MRPL49: variants seen among roughly 807,000 people sequenced by gnomAD.
MRPL49 encodes large ribosomal subunit protein mL49.
MRPL49 carries 14 observed loss-of-function variants against 18.4 expected under a neutral mutation model. The observed-to-expected ratio is 0.76, with a 90% CI of 0.50 to 1.19. The LOEUF (loss-of-function observed/expected upper bound fraction) is 1.19. MRPL49 is among the 50% of genes most tolerant of loss of function. The pLI is 0.00. For missense variants in MRPL49, 190 were observed against 217.8 expected (o/e 0.87, Z 0.80); for synonymous variants, 104 against 86.2 (o/e 1.21, Z -1.14).
At chr11:65,123,922 C>CT (rs1471297750) in intron 1 of MRPL49, among the ~76,000 whole-genome samples, 1 of 152,184 alleles carries the variant, frequency 6.6e-6, no homozygotes, top group East Asian at 1.9e-4. Context: ...TCTCGTCGCT[C>CT]TGTCACCGAG....
rs761124476 is a variant in MRPL49 at position 65,124,506 on chromosome 11, A to G, written c.83A>G (p.Gln28Arg). ...QRGCGLRLLS[Q>R]TQGPPDYPRF... is the part of the protein sequence containing the mutation. ...GGGATTTTTGTTTTGCTTCAGAGCC[A>G]GACCCAGGGCCCTCCAGATTACCCC... Residue 28 changes from glutamine (Q) to arginine (R), a missense_variant, in exon 2 of 4, where the codon CAG becomes CGG. Transcript: ENST00000279242. 12 of 1,613,344 alleles carry G rather than the reference A, an allele frequency of 7.4e-6. No homozygotes were observed. The African/African-American group carries it at 1.5e-4, about 20-fold the overall frequency.
intron 2 of MRPL49, 115 bp downstream of exon 2, chr11:65,124,767 C>A: frequency 1.7e-6 from 2 of 1,210,360 alleles, no homozygotes; most frequent in Non-Finnish European, 2.3e-6. Context: ...ACTCATTTTG[C>A]AATCCCTCTG....
At chr11:65,123,909 G>C (rs1009235893) in intron 1 of MRPL49, among the ~76,000 whole-genome samples, 2 of 152,066 alleles carry the variant, frequency 1.3e-5, no homozygotes, top group African/African-American at 4.8e-5. Context: ...TTGTTTGAGA[G>C]AGTCTCGTCG....
rs755082964 is a variant in MRPL49 at position 65,122,435 on chromosome 11, T to C, written c.78+11T>C. The C allele has an allele frequency of 3.1e-6, 5 of 1,609,502 alleles. No individual in the cohort carries two copies. The highest frequency in any genetic ancestry group is 4.2e-6 in the Non-Finnish European group (5 of 1,178,122). On this transcript the variant is annotated intron_variant, in intron 1 of 3. Coordinates refer to ENST00000279242, the MANE Select transcript of MRPL49 (RefSeq NM_004927.4). The stretch of plus-strand genomic sequence containing the variant: ...GGGCTACGGCTGTTGGTGAGAGCGC[T>C]GAGCGAGGAGCTGAGGGCATCGCGT...
chr11:65,123,390 T>C (rs1948071864), intron 1 of MRPL49, among the ~76,000 whole-genome samples: 1 of 152,222 alleles, frequency 6.6e-6, no homozygotes, highest in African/African-American at 2.4e-5. Context: ...TATTCGGGAA[T>C]GGGTATAGAC....
intron 1 of MRPL49, among the ~76,000 whole-genome samples, chr11:65,123,040 A>C (rs887553712): frequency 7.9e-5 from 12 of 152,232 alleles, no homozygotes; most frequent in Non-Finnish European, 1.3e-4. Flanking sequence ...TTCTTAAGGC[A>C]ATCATAAGAT....
In MRPL49 at chr11:65,122,404, G is replaced by A; in HGVS notation, c.58G>A (p.Gly20Ser). Residue 20 changes from glycine (G) to serine (S), a missense_variant, in exon 1 of 4, where the codon GGC (glycine) becomes AGC (serine). By Grantham distance (56) the Gly-to-Ser change is moderately conservative (BLOSUM62 0). Transcript: ENST00000279242. ...GGGATGGAGAACCGGTGTCCAGCGGGGCTGCGGGCTACGGCTGTTGGTGAG... is the reference window on the plus strand; with the variant it reads ...GGGATGGAGAACCGGTGTCCAGCGGAGCTGCGGGCTACGGCTGTTGGTGAG... Reference protein sequence around the residue: ...LRGWRTGVQRGCGLRLLSQTQ... With the variant: ...LRGWRTGVQRSCGLRLLSQTQ... 6 of 1,613,094 alleles carry A rather than the reference G, an allele frequency of 3.7e-6. 1 individual carries two copies. Among genetic ancestry groups the A allele is most frequent in the South Asian group, 3.3e-5 (3 of 90,948 alleles).
In MRPL49 at chr11:65,127,272, C is replaced by A. The variant is rs1948113031; in HGVS notation, c.*1400C>A. The A allele has an allele frequency of 4.3e-6, 2 of 467,158 alleles. No homozygotes were observed. The highest frequency in any genetic ancestry group is 8.7e-5 in the South Asian group (2 of 22,864). The allele number at this position is 467,158 out of a possible 1,614,324, so 28.9% of individuals were successfully genotyped here. A position where few individuals can be genotyped will look rare whatever the true frequency, so the allele number is the denominator to read the frequency against. On this transcript the variant is annotated 3_prime_UTR_variant, in exon 4 of 4. Coordinates refer to ENST00000279242, the MANE Select transcript of MRPL49 (RefSeq NM_004927.4). ...TTTGATCGATTCTGTGACACAAACC[C>A]CACCAATTGTTAATGCAAGTTTTTA...
rs1337832171 is a variant in MRPL49 at position 65,127,119 on chromosome 11, A to G, written c.*1247A>G. 1 of 690,582 alleles carries G rather than the reference A, an allele frequency of 1.4e-6. No homozygotes were observed. Among genetic ancestry groups the G allele is most frequent in the Non-Finnish European group, 2.6e-6 (1 of 379,896 alleles). 42.8% of individuals were successfully genotyped at this position (690,582 alleles called of 1,614,324 possible). The stretch of plus-strand genomic sequence containing the variant: ...CTGCTTCTCTGTGTGTAAAATGGGC[A>G]CATCTTCCTAATCTGTTAATGGTCA... On this transcript the variant is annotated 3_prime_UTR_variant, in exon 4 of 4. Transcript: ENST00000279242.
rs893827810 is a variant in MRPL49, at chr11:65,126,026, A to G, written c.*154A>G. ...GTCAGGCCTTGCTTGCATAAAGGAG[A>G]AAACAACTCTATGTACATGCTGGGG... On this transcript the variant is annotated 3_prime_UTR_variant, in exon 4 of 4. Transcript: ENST00000279242. 9.8e-6 allele frequency: 8 copies of G among 820,022 alleles called. No individual in the cohort carries two copies. Among genetic ancestry groups the G allele is most frequent in the Admixed American group, 3.0e-5 (1 of 32,888 alleles). The allele number at this position is 820,022 out of a possible 1,614,324, so 50.8% of individuals were successfully genotyped here.
rs1948097394 is a variant in MRPL49 at position 65,125,986 on chromosome 11, C to T, written c.*114C>T. On this transcript the variant is annotated 3_prime_UTR_variant, in exon 4 of 4. Transcript: ENST00000279242. Reference sequence around the variant, plus strand: ...GAGACAGGGGATACAGAAACTAGGGCTAAAGGACTTTGGGGTCAGGCCTTG... The same window carrying T: ...GAGACAGGGGATACAGAAACTAGGGTTAAAGGACTTTGGGGTCAGGCCTTG... 1 of 1,308,286 alleles carries T rather than the reference C, an allele frequency of 7.6e-7. No homozygotes were observed. The highest frequency in any genetic ancestry group is 1.0e-6 in the Non-Finnish European group (1 of 957,388). 81.0% of individuals were successfully genotyped at this position (1,308,286 alleles called of 1,614,324 possible).
intron 1 of MRPL49, 148 bp downstream of exon 1, chr11:65,122,572 A>G (rs751006690): frequency 1.4e-6 from 1 of 693,202 alleles, no homozygotes; most frequent in East Asian, 2.8e-5. Context: ...GTGTACATAT[A>G]GAATCGAGAG....
At chr11:65,122,720 C>CT (rs11445335) in intron 1 of MRPL49, among the ~76,000 whole-genome samples, 61,991 of 130,828 alleles carry the variant, frequency 0.47, 15,761 homozygotes, top group East Asian at 0.72. Flanking sequence ...TGCCTTAATT[C>CT]TTTTTTTTTT....
At chr11:65,125,392 G>A in intron 2 of MRPL49, 96 bp from the exon 3 acceptor site, 1 of 1,532,528 alleles carries the variant, frequency 6.5e-7, no homozygotes, top group Non-Finnish European at 8.9e-7. Flanking sequence ...GTCCAGCTGG[G>A]TGCACTGGCC....
intron 2 of MRPL49, chr11:65,124,865 C>A: frequency 2.0e-6 from 1 of 492,426 alleles, no homozygotes; most frequent in Non-Finnish European, 3.5e-6. Flanking sequence ...CTATTGAGAT[C>A]AGGTCTTCCC....
chr11:65,123,566 T>G (rs1948073427), intron 1 of MRPL49, among the ~76,000 whole-genome samples: 1 of 152,068 alleles, frequency 6.6e-6, no homozygotes, highest in African/African-American at 2.4e-5. Flanking sequence ...GAAACCCGTC[T>G]CTAGAAAAAA....
At chr11:65,122,284 C>T (rs927090931), upstream of MRPL49, 6 of 1,573,458 alleles carry the variant, frequency 3.8e-6, no homozygotes, top group African/African-American at 8.1e-5. Context: ...GGGCAGGCAG[C>T]TCGCGCAGGA....
intron 1 of MRPL49, 88 bp downstream of exon 1, chr11:65,122,512 C>T: frequency 7.9e-7 from 1 of 1,260,216 alleles, no homozygotes; most frequent in Non-Finnish European, 1.1e-6. Flanking sequence ...TAAGGCATTC[C>T]TACTTGGGGC....
intron 2 of MRPL49, 86 bp from the exon 3 acceptor site, chr11:65,125,402 C>T (rs556679626): frequency 4.5e-6 from 7 of 1,571,730 alleles, no homozygotes; most frequent in Non-Finnish European, 6.1e-6. Context: ...GTGCACTGGC[C>T]CTCTGCAGAC....
Sources: gnomAD v4.1 joint callset for allele counts (sites outside exome capture counted in the v4.1 genomes callset) on GRCh38, gnomAD v4.1.1 for gene constraint, MANE v1.5 for transcripts, NCBI Gene and HGNC (gene_info 2026-07-23, HGNC 2026-07-21) for gene names.